Variants in PTPRD observed in about 807,000 individuals in gnomAD.
PTPRD encodes the protein receptor-type tyrosine-protein phosphatase delta.
PTPRD carries 34 observed loss-of-function variants against 214.5 expected under a neutral mutation model. The observed-to-expected ratio is 0.16, with a 90% CI of 0.12 to 0.21. The LOEUF is 0.21. Ranked by LOEUF, PTPRD falls within the 10% of genes least tolerant of loss-of-function variation. PTPRD has a pLI of 1.00. For synonymous variants in PTPRD, 1,128 were observed against 845.7 expected (o/e 1.33, Z -5.79); for missense variants, 2,545 against 2,398.7 (o/e 1.06, Z -1.27).
At chr9:9,221,392 A>G (rs1356759432) in intron 9 of PTPRD, among the ~76,000 whole-genome samples, 2 of 152,100 alleles carry the variant, frequency 1.3e-5, no homozygotes, top group East Asian at 3.9e-4. Context: ...AGACAAAACA[A>G]TAACATCTGT....
chr9:8,593,095 C>T lies in PTPRD; in HGVS notation c.352+40222G>A, dbSNP rs113265200. On this transcript the variant is annotated intron_variant, in intron 14 of 45. Transcript: ENST00000381196. ...CTGAGGAGAAACTAGGAAGAGCTTACTTACTGTCACTGATGAGGACTTCTT... is the reference window on the plus strand; with the variant it reads ...CTGAGGAGAAACTAGGAAGAGCTTATTTACTGTCACTGATGAGGACTTCTT... Among the ~76,000 whole-genome samples, 924 of 152,278 alleles carry T rather than the reference C, an allele frequency of 6.1e-3. 6 individuals are homozygous for T. The highest frequency in any genetic ancestry group is 0.01 in the Non-Finnish European group (689 of 68,018).
intron 11 of PTPRD, among the ~76,000 whole-genome samples, chr9:8,826,493 C>G (rs956378653): frequency 6.6e-6 from 1 of 152,106 alleles, no homozygotes; most frequent in Non-Finnish European, 1.5e-5. Context: ...GCCTCCCTTC[C>G]GTTCACCACA....
At chr9:9,096,658 C>T (rs753207060) in intron 10 of PTPRD, among the ~76,000 whole-genome samples, 1 of 152,078 alleles carries the variant, frequency 6.6e-6, no homozygotes, top group Non-Finnish European at 1.5e-5. Flanking sequence ...CTCATATATC[C>T]TTTACCCAGA....
intron 8 of PTPRD, among the ~76,000 whole-genome samples, chr9:9,515,496 C>A (rs1254998175): frequency 5.3e-5 from 8 of 151,944 alleles, no homozygotes; most frequent in Non-Finnish European, 8.8e-5. Context: ...AATCTGTATA[C>A]AGAAAGTTTT....
chr9:9,973,424 A>G (rs2095226500), intron 4 of PTPRD, among the ~76,000 whole-genome samples: 1 of 152,096 alleles, frequency 6.6e-6, no homozygotes, highest in African/African-American at 2.4e-5. Flanking sequence ...GTGAGCTGAA[A>G]TCATGCCATT....
At chr9:10,270,680 T>A (rs989709561) in intron 3 of PTPRD, among the ~76,000 whole-genome samples, 1 of 152,162 alleles carries the variant, frequency 6.6e-6, no homozygotes, top group Non-Finnish European at 1.5e-5. Context: ...GCATAAAAAA[T>A]TGTGGTATTG....
intron 5 of PTPRD, among the ~76,000 whole-genome samples, chr9:9,846,221 C>A (rs755915072): frequency 1.3e-5 from 2 of 152,054 alleles, no homozygotes; most frequent in African/African-American, 2.4e-5. Flanking sequence ...GATTGTAGAT[C>A]TTTACACCTG....
intron 9 of PTPRD, among the ~76,000 whole-genome samples, chr9:9,263,320 T>A (rs374631737): frequency 2.0e-5 from 3 of 151,704 alleles, no homozygotes; most frequent in Non-Finnish European, 4.4e-5. Flanking sequence ...ATTGAGGGAA[T>A]AGACATTGTC....
intron 11 of PTPRD, among the ~76,000 whole-genome samples, chr9:8,768,242 T>TA (rs1376674823): frequency 2.0e-5 from 3 of 152,086 alleles, no homozygotes; most frequent in African/African-American, 7.2e-5. Context: ...TTAAAAAAAT[T>TA]AAAAAATAAA....
At chr9:8,937,518 C>T (rs2099005825) in intron 11 of PTPRD, among the ~76,000 whole-genome samples, 1 of 152,154 alleles carries the variant, frequency 6.6e-6, no homozygotes, top group Admixed American at 6.6e-5. Flanking sequence ...CCTCTCCATT[C>T]TCTCCTCTGT....
chr9:10,118,143 G>T (rs1371527373), intron 3 of PTPRD, among the ~76,000 whole-genome samples: 1 of 151,896 alleles, frequency 6.6e-6, no homozygotes, highest in Non-Finnish European at 1.5e-5. Flanking sequence ...GATAAGGGAA[G>T]CATTAAATTA....
chr9:8,825,942 A>C (rs1204550871), intron 11 of PTPRD, among the ~76,000 whole-genome samples: 1 of 152,128 alleles, frequency 6.6e-6, no homozygotes, highest in African/African-American at 2.4e-5. Flanking sequence ...AACCTGTTTT[A>C]TCAACAAGGA....
intron 9 of PTPRD, among the ~76,000 whole-genome samples, chr9:9,254,727 T>A (rs750800592): frequency 2.6e-5 from 4 of 152,048 alleles, no homozygotes; most frequent in Non-Finnish European, 4.4e-5. Context: ...AATCTCAGCA[T>A]ACAAACATTT....
intron 8 of PTPRD, among the ~76,000 whole-genome samples, chr9:9,501,126 A>G (rs916538557): frequency 2.6e-5 from 4 of 152,030 alleles, no homozygotes; most frequent in Non-Finnish European, 5.9e-5. Context: ...AACAATAAAA[A>G]GCAAGGTAAA....
chr9:9,866,713 A>C (rs1030196829), intron 5 of PTPRD, among the ~76,000 whole-genome samples: 2 of 152,128 alleles, frequency 1.3e-5, no homozygotes, highest in African/African-American at 4.8e-5. Flanking sequence ...AATTGTGAAT[A>C]CGCCCTTGTG....
chr9:9,462,929 T>G (rs1318094102), intron 8 of PTPRD, among the ~76,000 whole-genome samples: 2 of 152,180 alleles, frequency 1.3e-5, no homozygotes, highest in African/African-American at 4.8e-5. Flanking sequence ...CAGTTTTCTT[T>G]GTCACCGATT....
At chr9:9,495,652 C>A (rs1021978509) in intron 8 of PTPRD, among the ~76,000 whole-genome samples, 26 of 152,102 alleles carry the variant, frequency 1.7e-4, no homozygotes, top group South Asian at 2.1e-4. Context: ...CCCCGACTCC[C>A]CTCTCTGCTG....
chr9:9,387,373 A>T (rs1446710405), intron 9 of PTPRD, among the ~76,000 whole-genome samples: 1 of 152,052 alleles, frequency 6.6e-6, no homozygotes, highest in Non-Finnish European at 1.5e-5. Context: ...TTTTCTTTAG[A>T]TTTTAATTAA....
intron 3 of PTPRD, among the ~76,000 whole-genome samples, chr9:10,221,481 C>G (rs777362784): frequency 1.3e-5 from 2 of 151,868 alleles, no homozygotes; most frequent in Non-Finnish European, 2.9e-5. Flanking sequence ...ATATTGAACA[C>G]AACAGTTTTT....
Sources: allele counts gnomAD v4.1 joint callset (sites outside exome capture counted in the v4.1 genomes callset), GRCh38; gene constraint gnomAD v4.1.1; transcripts MANE v1.5; gene names NCBI Gene and HGNC (gene_info 2026-07-23, HGNC 2026-07-21).